The following OSBPL5 variants were observed in gnomAD, a reference collection of about 807,000 sequenced individuals.
OSBPL5 encodes the protein oxysterol binding protein like 5.
In OSBPL5, 71 loss-of-function variants were observed where a neutral mutation model predicts 111.2. The observed-to-expected ratio is 0.64, with a 90% CI of 0.53 to 0.78. OSBPL5 has a LOEUF of 0.78. Among genes scored for constraint, OSBPL5 ranks in the 30% least tolerant of loss-of-function variants. The pLI is 0.00. For synonymous variants in OSBPL5, 549 were observed against 513.9 expected, an observed-to-expected ratio of 1.07 and a Z score of -0.93; for missense variants, 1,210 against 1,189.3, an observed-to-expected ratio of 1.02 and a Z score of -0.26.
intron 1 of OSBPL5, among the ~76,000 whole-genome samples, chr11:3,156,155 G>A (rs963414326): frequency 2.0e-5 from 3 of 152,100 alleles, no homozygotes; most frequent in African/African-American, 7.2e-5. Flanking sequence ...GCCCCATCTC[G>A]CTGGGCTGCT....
At chr11:3,093,087 CG>C in intron 17 of OSBPL5, 35 bp from the exon 18 acceptor site, 1 of 1,486,238 alleles carries the variant, frequency 6.7e-7, no homozygotes. Flanking sequence ...GCCAGTGGCC[CG>C]GGCAGCCCGA....
At chr11:3,101,476 G>A in intron 13 of OSBPL5, 127 bp downstream of exon 13, 2 of 868,224 alleles carry the variant, frequency 2.3e-6, no homozygotes, top group South Asian at 1.6e-5. Flanking sequence ...CATGGTCTCT[G>A]ACTAGGAGGG....
chr11:3,153,165 C>T (rs931840807), intron 1 of OSBPL5, among the ~76,000 whole-genome samples: 7 of 152,132 alleles, frequency 4.6e-5, no homozygotes, highest in Non-Finnish European at 8.8e-5. Flanking sequence ...GGGCAGGTTT[C>T]CTCACCTCTC....
chr11:3,131,571 C>CCATCCATCCATCCACCCATT (rs1360747091), intron 1 of OSBPL5, among the ~76,000 whole-genome samples: 1 of 140,588 alleles, frequency 7.1e-6, no homozygotes, highest in Non-Finnish European at 1.5e-5. Context: ...ATTCATCCAT[C>CCATCCATCCATCCACCCATT]CATCCATCCA....
At chr11:3,094,688 G>T in intron 14 of OSBPL5, 1 of 247,386 alleles carries the variant, frequency 4.0e-6, no homozygotes, top group Non-Finnish European at 8.0e-6. Flanking sequence ...CTCCTGGGAG[G>T]CCACCAGCCC....
chr11:3,111,180 A>ATC (rs955920103), intron 7 of OSBPL5, among the ~76,000 whole-genome samples: 4 of 140,178 alleles, frequency 2.9e-5, no homozygotes, highest in Non-Finnish European at 4.6e-5. Flanking sequence ...AGAATCCCTG[A>ATC]TCTCTCAAAA....
rs927664355 is a variant in OSBPL5 at position 3,121,724 on chromosome 11, G to A, written c.402+273C>T. 26 of 479,826 alleles carry A rather than the reference G, an allele frequency of 5.4e-5. No homozygotes were observed. The highest frequency in any genetic ancestry group is 7.3e-5 in the Admixed American group (2 of 27,534). 29.7% of individuals were successfully genotyped at this position (479,826 alleles called of 1,614,324 possible). A position where few individuals can be genotyped will look rare whatever the true frequency, so the allele number is the denominator to read the frequency against. ...CCACTGGCCAGGCCCCACCTTATTC[G>A]GAAATGGGGTCTTTGCAGACATAAT... On this transcript the variant is annotated intron_variant, in intron 5 of 21. Coordinates refer to ENST00000263650, the MANE Select transcript of OSBPL5 (RefSeq NM_020896.4). The surrounding 1 kb of genome is among the most constrained non-coding windows in gnomAD (Gnocchi z 4.3).
rs1847081068 is a variant in OSBPL5, at chr11:3,165,118, T to A, written c.-22+98A>T. The A allele has an allele frequency of 6.7e-6, 1 of 150,330 alleles. No individual in the cohort carries two copies. Among genetic ancestry groups the A allele is most frequent in the South Asian group, 2.1e-4 (1 of 4,820 alleles). The allele number at this position is 150,330 out of a possible 1,614,324, so 9.3% of individuals were successfully genotyped here. A position where few individuals can be genotyped will look rare whatever the true frequency, so the allele number is the denominator to read the frequency against. On this transcript the variant is annotated intron_variant, in intron 1 of 21. Transcript: ENST00000263650. This position sits in a 1 kb window ranked among gnomAD's most constrained non-coding sequence, Gnocchi z 7.4. ...CCCTTCGGCCGGCCCCCCGCGGCCC[T>A]CGGTTCGCTCCGGCCCTGCCCGGCG...
intron 6 of OSBPL5, 62 bp downstream of exon 6, chr11:3,120,359 C>T (rs1858359968): frequency 1.9e-6 from 3 of 1,548,030 alleles, no homozygotes; most frequent in Non-Finnish European, 1.7e-6. Flanking sequence ...CCACCAGGGC[C>T]CTAGGAATGA....
At chr11:3,089,428 C>G (rs1012260278) in intron 21 of OSBPL5, among the ~76,000 whole-genome samples, 1 of 152,190 alleles carries the variant, frequency 6.6e-6, no homozygotes, top group Non-Finnish European at 1.5e-5. Flanking sequence ...AGCTCTCGGC[C>G]ACTCCCATTT....
intron 20 of OSBPL5, among the ~76,000 whole-genome samples, chr11:3,090,298 C>T (rs1190096902): frequency 2.6e-5 from 4 of 152,198 alleles, no homozygotes; most frequent in Non-Finnish European, 4.4e-5. Flanking sequence ...ACCTGCCCCT[C>T]CCACCGCTGG....
At chr11:3,101,258 A>G (rs1186647917) in intron 13 of OSBPL5, among the ~76,000 whole-genome samples, 1 of 92,748 alleles carries the variant, frequency 1.1e-5, no homozygotes. Flanking sequence ...TACAGGCGTG[A>G]GCCACCATGC....
rs117044063 is a variant in OSBPL5, at chr11:3,141,830, G to A, written c.-21-12661C>T. On this transcript the variant is annotated intron_variant, in intron 1 of 21. Transcript: ENST00000263650. The surrounding 1 kb of genome is among the most constrained non-coding windows in gnomAD (Gnocchi z 6.5). ...AGTGCAGGGACTGGGAGGACTCTAC[G>A]CCCTGGAAGGAAAAAAGACTGCAAG... is the stretch of plus-strand genomic sequence containing the variant. Among the ~76,000 whole-genome samples, 414 of 149,384 alleles carry A rather than the reference G, an allele frequency of 2.8e-3. 2 individuals carry two copies. Among genetic ancestry groups the A allele is most frequent in the Non-Finnish European group, 3.1e-3 (207 of 67,634 alleles).
rs1410796480 is a variant in OSBPL5 at position 3,142,809 on chromosome 11, C to T, written c.-21-13640G>A. Among the ~76,000 whole-genome samples, 2 of 151,990 alleles carry T rather than the reference C, an allele frequency of 1.3e-5. No individual in the cohort carries two copies. The highest frequency in any genetic ancestry group is 2.9e-5 in the Non-Finnish European group (2 of 68,006). ...TGGGGATCCCCGAGCCCCATGCAGCCTTGCGGGTAGAAGGGCAGTGACTGC... is the reference window on the plus strand; with the variant it reads ...TGGGGATCCCCGAGCCCCATGCAGCTTTGCGGGTAGAAGGGCAGTGACTGC... On this transcript the variant is annotated intron_variant, in intron 1 of 21. Transcript: ENST00000263650. This position sits in a 1 kb window ranked among gnomAD's most constrained non-coding sequence, Gnocchi z 7.1.
intron 6 of OSBPL5, 82 bp from the exon 7 acceptor site, chr11:3,119,713 T>A (rs1242465641): frequency 1.5e-6 from 2 of 1,375,992 alleles, no homozygotes; most frequent in African/African-American, 3.0e-5. Context: ...ACCATGCGGA[T>A]CCACACCTGG....
intron 1 of OSBPL5, among the ~76,000 whole-genome samples, chr11:3,144,417 A>G (rs1846265470): frequency 6.6e-6 from 1 of 152,208 alleles, no homozygotes; most frequent in South Asian, 2.1e-4. Context: ...TTTAAAAAAC[A>G]AAGTGGAATT....
In OSBPL5 at chr11:3,087,590, G is replaced by T. The variant is rs1363348586; in HGVS notation, c.*615C>A. ...CACCAGAGCGAGCGTCCAGGTGTGG[G>T]GGTGGGGTGGTTCCAGGACCTGCCT... On this transcript the variant is annotated 3_prime_UTR_variant, in exon 22 of 22. Coordinates refer to ENST00000263650, the MANE Select transcript of OSBPL5 (RefSeq NM_020896.4). 1 of 153,274 alleles carries T rather than the reference G, an allele frequency of 6.5e-6. No homozygotes were observed. Among genetic ancestry groups the T allele is most frequent in the Non-Finnish European group, 1.5e-5 (1 of 68,894 alleles). The allele number at this position is 153,274 out of a possible 1,614,324, so 9.5% of individuals were successfully genotyped here.
rs373950160 is a variant in OSBPL5 at position 3,094,231 on chromosome 11, C to T, written c.1719+6G>A. 5.4e-5 allele frequency: 87 copies of T among 1,612,564 alleles called. No individual in the cohort carries two copies. In the South Asian group the frequency reaches 5.7e-4, roughly 11 times the overall value. ...CTCGTCTCCCCCAGGCTGCAGCCAGCGCTACCTTGAGTTTGAATTCCAGCT... is the reference window on the plus strand; with the variant it reads ...CTCGTCTCCCCCAGGCTGCAGCCAGTGCTACCTTGAGTTTGAATTCCAGCT... On this transcript the variant is annotated splice_donor_region_variant and intron_variant, in intron 15 of 21. Coordinates refer to ENST00000263650, the MANE Select transcript of OSBPL5 (RefSeq NM_020896.4).
chr11:3,121,920 C>G lies in OSBPL5; in HGVS notation c.402+77G>C. The G allele has an allele frequency of 7.5e-7, 1 of 1,330,040 alleles. No homozygotes were observed. Among genetic ancestry groups the G allele is most frequent in the Non-Finnish European group, 1.0e-6 (1 of 961,536 alleles). The allele number at this position is 1,330,040 out of a possible 1,614,324, so 82.4% of individuals were successfully genotyped here. ...AGTGAATTTCCATCGTTTCAGGCCA[C>G]CTGGTTTATGGTCCTTTGTTATGGC... On this transcript the variant is annotated intron_variant, in intron 5 of 21. Transcript: ENST00000263650. The surrounding 1 kb of genome is among the most constrained non-coding windows in gnomAD (Gnocchi z 4.3).
Sources: gnomAD v4.1 joint callset for allele counts (sites outside exome capture counted in the v4.1 genomes callset) on GRCh38, gnomAD v4.1.1 for gene constraint, Gnocchi (gnomAD v3.1) non-coding constraint, MANE v1.5 for transcripts, NCBI Gene and HGNC (gene_info 2026-07-23, HGNC 2026-07-21) for gene names.